The following ROS1 variants were observed in gnomAD, a reference collection of about 807,000 sequenced individuals.
ROS1 encodes ROS proto-oncogene 1, receptor tyrosine kinase.
Under a neutral mutation model 273.5 loss-of-function variants are expected in ROS1, and 263 were observed. The ratio of observed to expected loss-of-function variants is 0.96; its 90% confidence interval spans 0.87 to 1.06. The LOEUF is 1.06. Among genes scored for constraint, ROS1 ranks in the 50% least tolerant of loss-of-function variants. The pLI is 0.00. For synonymous variants in ROS1, 1,008 were observed against 954.1 expected, an observed-to-expected ratio of 1.06 and a Z score of -1.04; for missense variants, 2,833 against 2,751.1, an observed-to-expected ratio of 1.03 and a Z score of -0.67.
intron 43 of ROS1, among the ~76,000 whole-genome samples, chr6:117,297,195 T>G (rs1429903765): frequency 6.6e-6 from 1 of 151,988 alleles, no homozygotes; most frequent in Non-Finnish European, 1.5e-5. Flanking sequence ...ACCCTTACCC[T>G]CACCATATAC....
At chr6:117,331,461 G>A (rs141810235) in intron 32 of ROS1, among the ~76,000 whole-genome samples, 197 of 152,188 alleles carry the variant, frequency 1.3e-3, no homozygotes, top group African/African-American at 4.6e-3. Context: ...AGCAAGACAG[G>A]CCAACATGCA....
intron 42 of ROS1, among the ~76,000 whole-genome samples, chr6:117,308,108 T>G (rs776180802): frequency 6.6e-6 from 1 of 152,262 alleles, no homozygotes; most frequent in South Asian, 2.1e-4. Flanking sequence ...TTGGAAAAAG[T>G]TGTCAAGACT....
At chr6:117,291,043 G>C (rs1773800487) in intron 43 of ROS1, among the ~76,000 whole-genome samples, 2 of 152,164 alleles carry the variant, frequency 1.3e-5, no homozygotes, top group South Asian at 4.1e-4. Context: ...ATCCTTTGCA[G>C]ATATGCAAAC....
chr6:117,372,398 CTTTCAGAATACAAAA>C (rs1346616399), intron 18 of ROS1, among the ~76,000 whole-genome samples: 1 of 152,228 alleles, frequency 6.6e-6, no homozygotes, highest in East Asian at 1.9e-4. Context: ...ATTCAGTAAA[CTTTCAGAATACAAAA>C]TTAATGTACA....
chr6:117,330,181 A>G (rs541866), intron 32 of ROS1, among the ~76,000 whole-genome samples: 14,419 of 152,236 alleles, frequency 0.095, 874 homozygotes, highest in Middle Eastern at 0.14. Flanking sequence ...TGTCGCCACA[A>G]CCCAACACAC....
chr6:117,406,222 GTTTA>G (rs777253400), intron 5 of ROS1, among the ~76,000 whole-genome samples: 14 of 150,568 alleles, frequency 9.3e-5, no homozygotes, highest in African/African-American at 2.7e-4. Context: ...AAATATATAT[GTTTA>G]TTTATTTATT....
At chr6:117,407,795 C>T (rs907856534) in intron 5 of ROS1, among the ~76,000 whole-genome samples, 5 of 152,176 alleles carry the variant, frequency 3.3e-5, no homozygotes, top group Admixed American at 1.3e-4. Flanking sequence ...GGAGGCATCA[C>T]GCTACCTGAC....
chr6:117,383,708 TG>T (rs971198340), intron 16 of ROS1, among the ~76,000 whole-genome samples, 200 bp from the exon 17 acceptor site: 3 of 152,210 alleles, frequency 2.0e-5, no homozygotes, highest in African/African-American at 7.2e-5. Flanking sequence ...CCTGCCCTCA[TG>T]GGGCTTATCT....
At chr6:117,327,681 T>C (rs766220180) in intron 33 of ROS1, among the ~76,000 whole-genome samples, 1 of 152,256 alleles carries the variant, frequency 6.6e-6, no homozygotes, top group Non-Finnish European at 1.5e-5. Flanking sequence ...GTTTGTGTAC[T>C]GGATTGAGTC....
rs922954026 is a variant in ROS1 at position 117,393,727 on chromosome 6, CCAA to C, written c.1192-409_1192-407del. Reference sequence around the variant, plus strand: ...AAATAGTCCTTATGCACCACCACCACCAACAACAACAACAAAAAATGGTCTTCC... The same window carrying C: ...AAATAGTCCTTATGCACCACCACCACCAACAACAACAAAAAATGGTCTTCC... On this transcript the variant is annotated intron_variant, in intron 11 of 43. Coordinates refer to ENST00000368507, the MANE Select transcript of ROS1 (RefSeq NM_001378902.1). Among the ~76,000 whole-genome samples the C allele has an allele frequency of 4.0e-4, 61 of 152,154 alleles. No individual in the cohort carries two copies. The East Asian group carries it at 9.9e-3, about 25-fold the overall frequency.
At chr6:117,394,580 T>G in intron 10 of ROS1, 36 bp downstream of exon 10, 1 of 1,478,610 alleles carries the variant, frequency 6.8e-7, no homozygotes, top group Non-Finnish European at 9.0e-7. Flanking sequence ...AATCTTCTTT[T>G]CACACTAAGG....
At chr6:117,407,037 A>G (rs1002477017) in intron 5 of ROS1, among the ~76,000 whole-genome samples, 1 of 150,294 alleles carries the variant, frequency 6.7e-6, no homozygotes, top group Non-Finnish European at 1.5e-5. Context: ...CATAAAATAT[A>G]CATTTTATCC....
At chr6:117,324,851 A>G (rs1776524894) in intron 34 of ROS1, among the ~76,000 whole-genome samples, 2 of 152,324 alleles carry the variant, frequency 1.3e-5, no homozygotes, top group South Asian at 4.1e-4. Context: ...TCAGTTGTGT[A>G]GAGGAAACAA....
At chr6:117,314,708 C>T (rs192133584) in intron 39 of ROS1, among the ~76,000 whole-genome samples, 41 of 152,238 alleles carry the variant, frequency 2.7e-4, no homozygotes, top group African/African-American at 5.8e-4. Context: ...CCCCTCTAAA[C>T]GCTCTGAGTT....
chr6:117,312,105 T>A (rs1253500120), intron 39 of ROS1, among the ~76,000 whole-genome samples: 1 of 152,102 alleles, frequency 6.6e-6, no homozygotes, highest in Non-Finnish European at 1.5e-5. Flanking sequence ...TTCTCCTCTC[T>A]CAATCTGTGC....
chr6:117,355,346 A>G (rs1459660573), intron 26 of ROS1, among the ~76,000 whole-genome samples: 1 of 152,240 alleles, frequency 6.6e-6, no homozygotes, highest in African/African-American at 2.4e-5. Context: ...CCTTGTTTCT[A>G]AAAGGCCTCT....
At chr6:117,369,627 T>C (rs1007508698) in intron 18 of ROS1, among the ~76,000 whole-genome samples, 4 of 152,100 alleles carry the variant, frequency 2.6e-5, no homozygotes, top group Admixed American at 6.5e-5. Flanking sequence ...ATGCAGAGAA[T>C]GGACTATGAT....
chr6:117,393,995 C>T (rs1282125261), intron 11 of ROS1, among the ~76,000 whole-genome samples, 167 bp downstream of exon 11: 1 of 152,152 alleles, frequency 6.6e-6, no homozygotes, highest in African/African-American at 2.4e-5. Context: ...AAAGGCTACA[C>T]CCTCCTATAG....
At chr6:117,352,474 A>T (rs985184895) in intron 27 of ROS1, among the ~76,000 whole-genome samples, 2 of 151,858 alleles carry the variant, frequency 1.3e-5, no homozygotes, top group Non-Finnish European at 1.5e-5. Context: ...ATTTTTTTTA[A>T]AAAAGATAAA....
Sources: allele counts gnomAD v4.1 joint callset (sites outside exome capture counted in the v4.1 genomes callset), GRCh38; gene constraint gnomAD v4.1.1; transcripts MANE v1.5; gene names NCBI Gene and HGNC (gene_info 2026-07-23, HGNC 2026-07-21).